Variants in SSX3 observed in about 807,000 individuals in gnomAD.
SSX3 encodes the protein SSX family member 3, also known as protein SSX3.
Under a neutral mutation model 14.8 loss-of-function variants are expected in SSX3, and 6 were observed. That is an observed-to-expected ratio of 0.41 (90% CI 0.22 to 0.80). The LOEUF (loss-of-function observed/expected upper bound fraction) is 0.80. SSX3 is among the 30% of genes least tolerant of loss of function. The pLI is 0.34. For synonymous variants in SSX3, 55 were observed against 52.9 expected (o/e 1.04, Z -0.18); for missense variants, 163 against 152.2 (o/e 1.07, Z -0.37).
In SSX3 at chrX:48,346,877, T is replaced by C. The variant is rs2061241568; in HGVS notation, c.*163A>G. ...CAATGGAAACGCTAATATCGTACTC[T>C]TGGCACACTAAGAAAAATGACGCTC... On this transcript the variant is annotated 3_prime_UTR_variant, in exon 8 of 8. Coordinates refer to ENST00000298396, the MANE Select transcript of SSX3 (RefSeq NM_021014.4). 1.1e-6 allele frequency: 1 copy of C among 922,430 alleles called. No individual in the cohort carries two copies. Among genetic ancestry groups the C allele is most frequent in the Non-Finnish European group, 1.5e-6 (1 of 649,140 alleles). The allele number at this position is 922,430 out of a possible 1,213,427, so 76.0% of individuals were successfully genotyped here. A position where few individuals can be genotyped will look rare whatever the true frequency, so the allele number is the denominator to read the frequency against.
intron 5 of SSX3, 64 bp downstream of exon 5, chrX:48,352,036 A>G: frequency 8.7e-7 from 1 of 1,154,869 alleles, no homozygotes; most frequent in Non-Finnish European, 1.2e-6. Flanking sequence ...TCCCACTCTT[A>G]CCAGTGTTCG....
At chrX:48,350,544 CA>C (rs1172329690) in intron 5 of SSX3, among the ~76,000 whole-genome samples, 1 of 110,571 alleles carries the variant, frequency 9.0e-6, no homozygotes, top group Non-Finnish European at 1.9e-5. Flanking sequence ...AGGGAGGCGA[CA>C]AAACACTGCT....
At chrX:48,355,670 T>G (rs1468044784) in intron 1 of SSX3, among the ~76,000 whole-genome samples, 5 of 111,318 alleles carry the variant, frequency 4.5e-5, no homozygotes, top group South Asian at 7.6e-4. Flanking sequence ...GAAGGGAAGT[T>G]AGTCCCAGAG....
chrX:48,352,591 C>T (rs12014242), intron 4 of SSX3, among the ~76,000 whole-genome samples: 537 of 112,306 alleles, frequency 4.8e-3, no homozygotes, highest in African/African-American at 0.016. Flanking sequence ...GAAAGATTTT[C>T]AGTACAAAGA....
At position 48,354,635 on chromosome X, in the gene SSX3, G is replaced by T. The variant is rs782760200; in HGVS notation, c.181C>A (p.Leu61Ile). The change falls in exon 3 of 8, where the codon CTA becomes ATA. Residue 61 changes from leucine (L) to isoleucine (I), a missense_variant. By Grantham distance (5) the Leu-to-Ile change is conservative (BLOSUM62 2). Transcript: ENST00000298396. ...MKRKYEAMTK[L>I]GFKAILPSFM... The stretch of plus-strand genomic sequence containing the variant: ...TGTACCTAGAACTTTCTGTTACCTA[G>T]TTTAGTCATGGCCTCATACTTTCTC... 1 of 1,200,326 alleles carries T rather than the reference G, an allele frequency of 8.3e-7. No individual in the cohort carries two copies. Among genetic ancestry groups the T allele is most frequent in the African/African-American group, 1.8e-5 (1 of 56,678 alleles).
At chrX:48,355,625 T>TG (rs1263718182) in intron 1 of SSX3, among the ~76,000 whole-genome samples, 21 of 110,711 alleles carry the variant, frequency 1.9e-4, no homozygotes, top group African/African-American at 4.3e-4. Context: ...TTTTATTCAG[T>TG]GGGGCATGCT....
Position 48,346,649 on chromosome X carries a change from A to T in SSX3, c.*391T>A, listed in dbSNP as rs1375340788. 3.1e-6 allele frequency: 1 copy of T among 324,038 alleles called. No homozygotes were observed. The highest frequency in any genetic ancestry group is 5.5e-6 in the Non-Finnish European group (1 of 181,721). The allele number at this position is 324,038 out of a possible 1,213,427, so 26.7% of individuals were successfully genotyped here. The stretch of plus-strand genomic sequence containing the variant: ...TGTGTGTGTAAATGCAGAGGAAAAA[A>T]TCTGAAATTAAACACTCAGAACTGC... On this transcript the variant is annotated 3_prime_UTR_variant, in exon 8 of 8. Coordinates refer to ENST00000298396, the MANE Select transcript of SSX3 (RefSeq NM_021014.4).
intron 5 of SSX3, 28 bp downstream of exon 5, chrX:48,352,072 T>C (rs782582596): frequency 3.3e-6 from 4 of 1,202,784 alleles, no homozygotes; most frequent in South Asian, 1.8e-5. Context: ...AAAGGTTCTC[T>C]GGTCCTTTAG....
chrX:48,353,228 C>T (rs1268696183), intron 4 of SSX3, among the ~76,000 whole-genome samples: 5 of 109,413 alleles, frequency 4.6e-5, no homozygotes, highest in African/African-American at 1.3e-4. Flanking sequence ...AGAAATATTT[C>T]AAACACACAG....
rs2061255808 is a variant in SSX3, at chrX:48,350,122, T to C, written c.331A>G (p.Ile111Val). The C allele has an allele frequency of 8.3e-7, 1 of 1,211,529 alleles. No individual in the cohort carries two copies. The highest frequency in any genetic ancestry group is 1.7e-5 in the African/African-American group (1 of 57,802). Residue 111 changes from isoleucine to valine, a missense_variant and splice_region_variant, in exon 6 of 8, where the codon ATC (isoleucine) becomes GTC (valine). Transcript: ENST00000298396. ...TCCTCTGCTGGCTTCTTGGGCATGA[T>C]CTTTATAATGTGAAGGTCATAGATA... ...FGRLQGIFPK[I>V]MPKKPAEEGN...
chrX:48,351,777 A>G (rs1448634521), intron 5 of SSX3, among the ~76,000 whole-genome samples: 1 of 112,639 alleles, frequency 8.9e-6, no homozygotes, highest in Non-Finnish European at 1.9e-5. Flanking sequence ...GTGCCAAGTC[A>G]TATGGCTATC....
chrX:48,353,206 G>C (rs782675412), intron 4 of SSX3, among the ~76,000 whole-genome samples: 8 of 107,646 alleles, frequency 7.4e-5, no homozygotes, highest in Non-Finnish European at 1.3e-4. Context: ...AGAACAACAT[G>C]TCATTTAAAA....
chrX:48,346,938 C>T lies in SSX3; in HGVS notation c.*102G>A. ...TGTTGTGAACACTTGCTTTCACTTG[C>T]TATGCACCTGATGACGAGGGGTCCA... On this transcript the variant is annotated 3_prime_UTR_variant, in exon 8 of 8. Coordinates refer to ENST00000298396, the MANE Select transcript of SSX3 (RefSeq NM_021014.4). 2 of 1,180,769 alleles carry T rather than the reference C, an allele frequency of 1.7e-6. No individual in the cohort carries two copies. The highest frequency in any genetic ancestry group is 1.8e-5 in the South Asian group (1 of 56,470).
chrX:48,355,644 C>A (rs1310279261), intron 1 of SSX3, among the ~76,000 whole-genome samples: 1 of 110,886 alleles, frequency 9.0e-6, no homozygotes, highest in African/African-American at 3.3e-5. Flanking sequence ...CTGACACCCC[C>A]GCTCAATAAA....
intron 6 of SSX3, chrX:48,349,589 T>C: frequency 1.7e-6 from 2 of 1,209,755 alleles, no homozygotes; most frequent in South Asian, 3.5e-5. Flanking sequence ...GAAGGACACC[T>C]GTATTGGGTA....
intron 5 of SSX3, among the ~76,000 whole-genome samples, chrX:48,350,448 G>A (rs1255261944): frequency 9.0e-6 from 1 of 111,377 alleles, no homozygotes; most frequent in Non-Finnish European, 1.9e-5. Context: ...AATTCACAAG[G>A]TCTACAAAGG....
chrX:48,350,061 C>T lies in SSX3; in HGVS notation c.392G>A (p.Gly131Asp), dbSNP rs1432355431. ...NVSKEVPEASGPQNDGKQLCP... is the reference protein window; with the variant it reads ...NVSKEVPEASDPQNDGKQLCP... The stretch of plus-strand genomic sequence containing the variant: ...CAGCTGTTTCCCATCGTTTTGTGGG[C>T]CAGATGCTTCTGGCACTTCCTTCGA... The change falls in exon 6 of 8, where the codon GGC (glycine) becomes GAC (aspartate). Residue 131 changes from glycine to aspartate, a missense_variant. Physicochemically the swap from Gly to Asp is moderately conservative, Grantham distance 94 (BLOSUM62 -1). Transcript: ENST00000298396. The T allele has an allele frequency of 8.3e-7, 1 of 1,211,939 alleles. No homozygotes were observed. Among genetic ancestry groups the T allele is most frequent in the Non-Finnish European group, 1.1e-6 (1 of 895,539 alleles).
intron 1 of SSX3, among the ~76,000 whole-genome samples, 191 bp from the exon 2 acceptor site, chrX:48,355,460 A>C (rs1489245798): frequency 9.0e-6 from 1 of 110,920 alleles, no homozygotes; most frequent in Non-Finnish European, 1.9e-5. Context: ...TCTCTGGGAG[A>C]AGTATTGATA....
chrX:48,350,324 A>T (rs2061256721), intron 5 of SSX3, among the ~76,000 whole-genome samples: 1 of 111,117 alleles, frequency 9.0e-6, no homozygotes, highest in African/African-American at 3.3e-5. Flanking sequence ...GTTTCCAGGG[A>T]TAGAATGCTT....
Sources: allele counts gnomAD v4.1 joint callset (sites outside exome capture counted in the v4.1 genomes callset), GRCh38; gene constraint gnomAD v4.1.1; transcripts MANE v1.5; gene names NCBI Gene and HGNC (gene_info 2026-07-23, HGNC 2026-07-21).